Variants in HEXB observed in about 807,000 individuals in gnomAD.
The protein encoded by HEXB is beta-hexosaminidase subunit beta.
In HEXB, 51 loss-of-function variants were observed where a neutral mutation model predicts 71.2. The ratio of observed to expected loss-of-function variants is 0.72; its 90% CI spans 0.57 to 0.90. HEXB has a LOEUF of 0.90. Ranked by LOEUF, HEXB falls within the 40% of genes least tolerant of loss-of-function variation. The pLI, the probability that HEXB is intolerant of heterozygous loss-of-function variation, is 0.00. For synonymous variants in HEXB, 266 were observed against 249.3 expected (o/e 1.07, Z -0.63); for missense variants, 617 against 677.0 (o/e 0.91, Z 0.98).
At chr5:74,659,059 A>G (rs959343025) in intron 1 of HEXB, among the ~76,000 whole-genome samples, 6 of 152,144 alleles carry the variant, frequency 3.9e-5, no homozygotes, top group African/African-American at 1.2e-4. Flanking sequence ...CTTTCATTTT[A>G]ATATATCTTT....
At chr5:74,653,148 T>C (rs1217109439) in intron 1 of HEXB, among the ~76,000 whole-genome samples, 1 of 152,204 alleles carries the variant, frequency 6.6e-6, no homozygotes, top group Non-Finnish European at 1.5e-5. Context: ...TGCAGAGTCA[T>C]TGTGAATACG....
At chr5:74,685,631 A>G in intron 1 of HEXB, 72 bp downstream of exon 1, 4 of 1,385,016 alleles carry the variant, frequency 2.9e-6, no homozygotes, top group Non-Finnish European at 3.9e-6. Flanking sequence ...AGCGCTGTGC[A>G]GACCCTCACC....
chr5:74,640,998 C>A (rs577037987), intron 1 of HEXB: 1 of 152,348 alleles, frequency 6.6e-6, no homozygotes, highest in East Asian at 1.9e-4. Flanking sequence ...GCAGCTGCAA[C>A]CCCGGGAACC....
At chr5:74,680,672 G>A (rs60234715), upstream of HEXB, among the ~76,000 whole-genome samples, 5,471 of 152,192 alleles carry the variant, frequency 0.036, 329 homozygotes, top group African/African-American at 0.13. Context: ...TTGAATGTGG[G>A]AAAAATAAAA....
At chr5:74,656,754 G>T (rs1225490523) in intron 1 of HEXB, among the ~76,000 whole-genome samples, 2 of 152,084 alleles carry the variant, frequency 1.3e-5, no homozygotes, top group African/African-American at 4.8e-5. Flanking sequence ...TGGGATTACA[G>T]GCACATGCCA....
intron 11 of HEXB, 130 bp from the exon 12 acceptor site, chr5:74,720,298 C>A: frequency 1.3e-6 from 1 of 750,058 alleles, no homozygotes. Context: ...TTAGCATCTC[C>A]CAAGGTCCTG....
intron 1 of HEXB, among the ~76,000 whole-genome samples, chr5:74,655,989 G>C (rs1290622996): frequency 6.6e-6 from 1 of 152,142 alleles, no homozygotes; most frequent in East Asian, 1.9e-4. Context: ...AAAATATTTA[G>C]AATTGACTAG....
chr5:74,716,988 G>T (rs1360628375), intron 9 of HEXB, among the ~76,000 whole-genome samples: 5 of 152,122 alleles, frequency 3.3e-5, no homozygotes, highest in Non-Finnish European at 5.9e-5. Flanking sequence ...CCAGGAGTTC[G>T]AGACCAGCCT....
At chr5:74,663,073 C>T (rs1332215889) in intron 1 of HEXB, among the ~76,000 whole-genome samples, 1 of 152,234 alleles carries the variant, frequency 6.6e-6, no homozygotes, top group Non-Finnish European at 1.5e-5. Flanking sequence ...GTCATAGCTT[C>T]TCTGTCAGTT....
intron 1 of HEXB, among the ~76,000 whole-genome samples, chr5:74,648,008 G>A (rs150649581): frequency 1.7e-3 from 266 of 152,346 alleles, no homozygotes; most frequent in African/African-American, 6.3e-3. Context: ...GAAAGACAGA[G>A]GTGGTCTAAT....
chr5:74,682,128 A>T (rs959806593), upstream of HEXB, among the ~76,000 whole-genome samples: 3 of 152,324 alleles, frequency 2.0e-5, no homozygotes, highest in Admixed American at 1.3e-4. Context: ...GGAGGCCGAG[A>T]CGGGCAGATC....
At chr5:74,711,504 C>A (rs1388262117) in intron 6 of HEXB, among the ~76,000 whole-genome samples, 2 of 152,086 alleles carry the variant, frequency 1.3e-5, no homozygotes, top group East Asian at 1.9e-4. Flanking sequence ...AGGCAACCCA[C>A]AATATGGGAG....
intron 12 of HEXB, 62 bp downstream of exon 12, chr5:74,720,580 A>G: frequency 6.3e-7 from 1 of 1,596,256 alleles, no homozygotes; most frequent in Non-Finnish European, 8.6e-7. Context: ...TCTCTGTCTA[A>G]ACACAAAAGT....
At position 74,713,585 on chromosome 5, in the gene HEXB, G is replaced by A. The variant is rs1352786910; in HGVS notation, c.851G>A (p.Arg284Gln). ...GAATATGCCAGATTACGAGGAATTC[G>A]AGTCCTGCCAGAATTTGATACCCCT... is the stretch of plus-strand genomic sequence containing the variant. ...VIEYARLRGI[R>Q]VLPEFDTPGH... Residue 284 changes from arginine to glutamine, a missense_variant, in exon 7 of 14, where the codon CGA (arginine) becomes CAA (glutamine). Arg to Gln is a conservative substitution (Grantham distance 43). Coordinates refer to ENST00000261416, the MANE Select transcript of HEXB (RefSeq NM_000521.4). 6.2e-6 allele frequency: 10 copies of A among 1,613,302 alleles called. No homozygotes were observed. Among genetic ancestry groups the A allele is most frequent in the Admixed American group, 5.0e-5 (3 of 59,996 alleles).
intron 6 of HEXB, among the ~76,000 whole-genome samples, chr5:74,712,931 A>G (rs1053485981): frequency 1.3e-5 from 2 of 152,174 alleles, no homozygotes; most frequent in African/African-American, 4.8e-5. Context: ...TTAAAAAAAA[A>G]CAAGTCACTT....
Position 74,685,289 on chromosome 5 carries a change from G to A in HEXB, c.29G>A (p.Arg10Gln), listed in dbSNP as rs776685697. ...GAGCTGTGCGGGCTGGGGCTGCCCC[G>A]GCCGCCCATGCTGCTGGCGCTGCTG... MELCGLGLPRPPMLLALLLA... is the reference protein window; with the variant it reads MELCGLGLPQPPMLLALLLA... The change falls in exon 1 of 14, where the codon CGG (arginine) becomes CAG (glutamine). Residue 10 changes from arginine to glutamine, a missense_variant. By Grantham distance (43) the Arg-to-Gln change is conservative. Transcript: ENST00000261416. The A allele has an allele frequency of 7.1e-6, 11 of 1,550,154 alleles. No homozygotes were observed. Among genetic ancestry groups the A allele is most frequent in the African/African-American group, 1.4e-5 (1 of 72,938 alleles).
At chr5:74,646,723 G>A (rs1466037673) in intron 1 of HEXB, among the ~76,000 whole-genome samples, 3 of 151,552 alleles carry the variant, frequency 2.0e-5, no homozygotes, top group Admixed American at 6.6e-5. Context: ...GTCTGCCACC[G>A]CGCCCAGCTA....
chr5:74,716,749 C>T, intron 9 of HEXB, 76 bp downstream of exon 9: 1 of 932,244 alleles, frequency 1.1e-6, no homozygotes, highest in South Asian at 1.4e-5. Context: ...TTATTTTTTA[C>T]ATTTTCTCTA....
At chr5:74,713,180 C>T (rs1355049902) in intron 6 of HEXB, among the ~76,000 whole-genome samples, 2 of 152,174 alleles carry the variant, frequency 1.3e-5, no homozygotes, top group Non-Finnish European at 2.9e-5. Context: ...ACAGATATTT[C>T]TACCAGTAAA....
Sources: allele counts gnomAD v4.1 joint callset (sites outside exome capture counted in the v4.1 genomes callset), GRCh38; gene constraint gnomAD v4.1.1; transcripts MANE v1.5; gene names NCBI Gene and HGNC (gene_info 2026-07-23, HGNC 2026-07-21).